The following ZNF687 variants were observed in gnomAD, a reference collection of about 807,000 sequenced individuals.
The protein encoded by ZNF687 is zinc finger protein 687.
In ZNF687, 13 loss-of-function variants were observed where a neutral mutation model predicts 71.8. The observed-to-expected ratio is 0.18, with a 90% confidence interval of 0.12 to 0.29. The LOEUF (loss-of-function observed/expected upper bound fraction) is 0.29, where lower values mean the gene tolerates loss of function less well. Among genes scored for constraint, ZNF687 ranks in the 10% least tolerant of loss-of-function variants. The pLI is 1.00. For missense variants in ZNF687, 1,412 were observed against 1,625.6 expected, an observed-to-expected ratio of 0.87 and a Z score of 2.26; for synonymous variants, 673 against 641.6, an observed-to-expected ratio of 1.05 and a Z score of -0.74.
chr1:151,282,674 C>G (rs1448520659), intron 1 of ZNF687, among the ~76,000 whole-genome samples: 1 of 152,186 alleles, frequency 6.6e-6, no homozygotes, highest in Non-Finnish European at 1.5e-5. Context: ...GAAGTGCGGC[C>G]CGGAGATTGA....
At chr1:151,288,432 G>T (rs752690888) in intron 2 of ZNF687, 26 bp downstream of exon 2, 7 of 1,594,782 alleles carry the variant, frequency 4.4e-6, no homozygotes, top group Non-Finnish European at 5.1e-6. Flanking sequence ...CAGCCCTTCT[G>T]TGGGGACAGG....
chr1:151,283,315 A>C, intron 1 of ZNF687: 1 of 985,420 alleles, frequency 1.0e-6, no homozygotes, highest in Non-Finnish European at 1.2e-6. Context: ...GGGCCCGGGC[A>C]AAGGTCAGTG....
chr1:151,287,250 C>T lies in ZNF687; in HGVS notation c.959C>T (p.Pro320Leu), dbSNP rs754068841. Residue 320 changes from proline to leucine, a missense_variant, in exon 2 of 9, where the codon CCT (proline) becomes CTT (leucine). Pro to Leu is a moderately conservative substitution (Grantham distance 98, BLOSUM62 -3). Around this residue, in one of 8 missense-constraint regions of ZNF687, gnomAD observed 490 missense variants for 489.9 expected, o/e 1.00. Transcript: ENST00000336715. This position sits in a 1 kb window ranked among gnomAD's most constrained non-coding sequence, Gnocchi z 5.0. ...GCAGATGAGGACAGCAATGACTCCC[C>T]TGCCTCCAGCTCCTCTAGGCCTCTT... ...EAADEDSNDS[P>L]ASSSSRPLKV... is the part of the protein sequence containing the mutation. 12 of 1,614,042 alleles carry T rather than the reference C, an allele frequency of 7.4e-6. No homozygotes were observed. In the South Asian group the frequency reaches 1.2e-4, roughly 16 times the overall value.
intron 1 of ZNF687, among the ~76,000 whole-genome samples, chr1:151,282,643 C>T (rs891934594): frequency 2.0e-5 from 3 of 152,188 alleles, no homozygotes; most frequent in Admixed American, 1.3e-4. Context: ...GGTCCTGGCG[C>T]CCCCGGCTCG....
chr1:151,283,307 G>A, intron 1 of ZNF687: 1 of 985,468 alleles, frequency 1.0e-6, no homozygotes, highest in Non-Finnish European at 1.2e-6. Flanking sequence ...CAGGCCTTGG[G>A]CCCGGGCAAA....
At position 151,286,847 on chromosome 1, in the gene ZNF687, C is replaced by A; in HGVS notation, c.556C>A (p.Arg186=). The A allele has an allele frequency of 1.2e-6, 2 of 1,613,934 alleles. No individual in the cohort carries two copies. Among genetic ancestry groups the A allele is most frequent in the Non-Finnish European group, 8.5e-7 (1 of 1,179,858 alleles). ...GCCTCCCTCTGCACCCTCTCCCACT[C>A]GGGAGGGGGCTCTGACCCCGCCTCC... ...PLPPSAPSPT[R]EGALTPPPFP... is the part of the protein sequence containing the mutation. The change falls in exon 2 of 9, where the codon CGG becomes AGG. Residue 186 remains arginine, a synonymous_variant. Coordinates refer to ENST00000336715, the MANE Select transcript of ZNF687 (RefSeq NM_020832.3).
chr1:151,288,149 G>A lies in ZNF687; in HGVS notation c.1858G>A (p.Ala620Thr). 6.2e-7 allele frequency: 1 copy of A among 1,613,928 alleles called. No homozygotes were observed. Among genetic ancestry groups the A allele is most frequent in the Non-Finnish European group, 8.5e-7 (1 of 1,180,000 alleles). The change falls in exon 2 of 9, where the codon GCT becomes ACT. Residue 620 changes from alanine (A) to threonine (T), a missense_variant. Ala to Thr is a moderately conservative substitution (Grantham distance 58, BLOSUM62 0). Coordinates refer to ENST00000336715, the MANE Select transcript of ZNF687 (RefSeq NM_020832.3). ...GGACATCACACCGCTGCTGCCTGTA[G>A]CTGTCCCACCTGTCTCTGGACCTCT... ...QPDITPLLPV[A>T]VPPVSGPLAL...
chr1:151,283,190 C>T (rs891875286), intron 1 of ZNF687: 25 of 985,344 alleles, frequency 2.5e-5, no homozygotes, highest in Non-Finnish European at 2.9e-5. Flanking sequence ...AAACCCAGGA[C>T]TTGCTCCCCG....
At position 151,288,623 on chromosome 1, in the gene ZNF687, G is replaced by A. The variant is rs755524239; in HGVS notation, c.2211G>A (p.Glu737=). The stretch of plus-strand genomic sequence containing the variant: ...ATCGACCCCCCCATGTCTGTCCTGA[G>A]TGTGGGGGCAACTTCCTGCAAGCCA... ...HKNRPPHVCP[E]CGGNFLQANF... Residue 737 remains glutamate (E), a synonymous_variant, in exon 3 of 9, where the codon GAG becomes GAA. Coordinates refer to ENST00000336715, the MANE Select transcript of ZNF687 (RefSeq NM_020832.3). 1 of 1,614,156 alleles carries A rather than the reference G, an allele frequency of 6.2e-7. No individual in the cohort carries two copies. Among genetic ancestry groups the A allele is most frequent in the Admixed American group, 1.7e-5 (1 of 60,020 alleles).
chr1:151,290,343 C>T (rs913304263), intron 7 of ZNF687, 89 bp from the exon 8 acceptor site: 1 of 1,609,622 alleles, frequency 6.2e-7, no homozygotes, highest in Non-Finnish European at 8.5e-7. Context: ...GTTGGGGTCT[C>T]CCTCTGCTCT....
At position 151,290,832 on chromosome 1, in the gene ZNF687, C is replaced by T. The variant is rs191061324; in HGVS notation, c.3337C>T (p.Arg1113Cys). ...TGGATCTGGAGGCCATGGCCCTCTG[C>T]GCTACCGGAGCAGCAGCTCCACAGA... ...GPGSGGHGPL[R>C]YRSSSSTEQS... The change falls in exon 9 of 9, where the codon CGC becomes TGC. Residue 1113 changes from arginine to cysteine, a missense_variant. This residue lies in a region of ZNF687 where 284 missense variants were observed against 359.2 expected (regional missense o/e 0.79). Transcript: ENST00000336715. The T allele has an allele frequency of 1.1e-4, 185 of 1,613,942 alleles. No homozygotes were observed. Among genetic ancestry groups the T allele is most frequent in the East Asian group, 9.1e-4 (41 of 44,878 alleles).
At position 151,289,664 on chromosome 1, in the gene ZNF687, GTCTCC is replaced by G; in HGVS notation, c.2635-9_2635-5del. On this transcript the variant is annotated splice_polypyrimidine_tract_variant and intron_variant, in intron 5 of 8. Coordinates refer to ENST00000336715, the MANE Select transcript of ZNF687 (RefSeq NM_020832.3). ...CTCCCCCACAACAGCAACCTCCCTT[GTCTCC>G]TCTCACAGAACACCCATCAGTCTGG... 1.3e-6 allele frequency: 2 copies of G among 1,583,274 alleles called. No homozygotes were observed. The highest frequency in any genetic ancestry group is 1.7e-6 in the Non-Finnish European group (2 of 1,162,566).
chr1:151,290,781 C>A lies in ZNF687; in HGVS notation c.3286C>A (p.Pro1096Thr), dbSNP rs771088859. 2 of 1,613,672 alleles carry A rather than the reference C, an allele frequency of 1.2e-6. No individual in the cohort carries two copies. The highest frequency in any genetic ancestry group is 1.1e-5 in the South Asian group (1 of 91,046). The change falls in exon 9 of 9, where the codon CCA becomes ACA. Residue 1096 changes from proline (P) to threonine (T), a missense_variant. Pro to Thr is a conservative substitution (Grantham distance 38). Around this residue, in one of 8 missense-constraint regions of ZNF687, gnomAD observed 284 missense variants for 359.2 expected, o/e 0.79. Transcript: ENST00000336715. ...TGAGGAGCCTGACAGCACGACACCG[C>A]CAGCCAAGTCCCCCAGGGGCGGACC... Reference protein sequence around the residue: ...CSEEPDSTTPPAKSPRGGPGS... With the variant: ...CSEEPDSTTPTAKSPRGGPGS...
rs896432569 is a variant in ZNF687 at position 151,283,939 on chromosome 1, CTCTT to C, written c.-18+1546_-18+1549del. ...TGGGCAGGGAATGGATAGGGATAGA[CTCTT>C]TAGTTGCTTCTTCGTAGATACAGAA... On this transcript the variant is annotated intron_variant, in intron 1 of 8. Transcript: ENST00000336715. 5 of 985,292 alleles carry C rather than the reference CTCTT, an allele frequency of 5.1e-6. No homozygotes were observed. The Admixed American group carries it at 1.8e-4, about 36-fold the overall frequency. The allele number at this position is 985,292 out of a possible 1,614,324, so 61.0% of individuals were successfully genotyped here. A position where few individuals can be genotyped will look rare whatever the true frequency, so the allele number is the denominator to read the frequency against.
chr1:151,284,116 TC>T, intron 1 of ZNF687: 1 of 985,362 alleles, frequency 1.0e-6, no homozygotes, highest in Non-Finnish European at 1.2e-6. Context: ...AGGTGAAACT[TC>T]CTGGGCTACT....
At chr1:151,281,997 T>A (rs2101852469), upstream of ZNF687, 6 of 1,233,908 alleles carry the variant, frequency 4.9e-6, no homozygotes, top group South Asian at 1.3e-5. Context: ...GCTGGCTTCT[T>A]TCTAAGCGAC....
chr1:151,291,439 C>G lies in ZNF687; in HGVS notation c.*230C>G, dbSNP rs587723158. The G allele has an allele frequency of 1.3e-5, 7 of 521,520 alleles. No individual in the cohort carries two copies. The Admixed American group carries it at 2.6e-4, about 19-fold the overall frequency. 32.3% of individuals were successfully genotyped at this position (521,520 alleles called of 1,614,324 possible). A position where few individuals can be genotyped will look rare whatever the true frequency, so the allele number is the denominator to read the frequency against. ...GGACCCTCCATTCCTCCTTTCTGAG[C>G]CCAACACTAATTAATTTTATGCTCC... On this transcript the variant is annotated 3_prime_UTR_variant, in exon 9 of 9. Transcript: ENST00000336715.
Position 151,289,239 on chromosome 1 carries a change from C to T in ZNF687, c.2439C>T (p.Ser813=). ...SGPSAHAHLY[S]QHPSFQTQQA... ...CAAGTGCCCATGCCCACCTCTACTCCCAGCATCCCAGCTTCCAAACTCAGC... is the reference window on the plus strand; with the variant it reads ...CAAGTGCCCATGCCCACCTCTACTCTCAGCATCCCAGCTTCCAAACTCAGC... The change falls in exon 4 of 9, where the codon TCC becomes TCT. Residue 813 remains serine (S), a synonymous_variant. Transcript: ENST00000336715. 6.2e-7 allele frequency: 1 copy of T among 1,614,068 alleles called. No homozygotes were observed. Among genetic ancestry groups the T allele is most frequent in the Non-Finnish European group, 8.5e-7 (1 of 1,180,018 alleles).
chr1:151,289,725 C>T lies in ZNF687; in HGVS notation c.2682C>T (p.Ala894=), dbSNP rs758374782. The T allele has an allele frequency of 3.0e-5, 47 of 1,560,282 alleles. No individual in the cohort carries two copies. The highest frequency in any genetic ancestry group is 1.9e-4 in the East Asian group (8 of 41,644). ...GRLEETAGKG[A]GGALLTPKTE... is the part of the protein sequence containing the mutation. ...TGGAGGAGACTGCTGGGAAAGGGGC[C>T]GGGGGTGCCCTGCTGACCCCCAAGA... Residue 894 remains alanine, a synonymous_variant, in exon 6 of 9, where the codon GCC becomes GCT. Coordinates refer to ENST00000336715, the MANE Select transcript of ZNF687 (RefSeq NM_020832.3).
Sources: gnomAD v4.1 joint callset for allele counts (sites outside exome capture counted in the v4.1 genomes callset) on GRCh38, gnomAD v4.1.1 for gene constraint, gnomAD v4.1.1 regional missense constraint, Gnocchi (gnomAD v3.1) non-coding constraint, MANE v1.5 for transcripts, NCBI Gene and HGNC (gene_info 2026-07-23, HGNC 2026-07-21) for gene names.